The following ST3GAL3 variants were observed in gnomAD, a reference collection of about 807,000 sequenced individuals.
ST3GAL3 encodes ST3 beta-galactoside alpha-2,3-sialyltransferase 3.
Under a neutral mutation model 50.1 loss-of-function variants are expected in ST3GAL3, and 21 were observed. That is an observed-to-expected ratio of 0.42 (90% CI 0.30 to 0.60). ST3GAL3 has a LOEUF of 0.60. Among genes scored for constraint, ST3GAL3 ranks in the 20% least tolerant of loss-of-function variants. The probability of loss-of-function intolerance (pLI) is 0.19; values close to 1 mark genes in which losing one functional copy is unlikely to be tolerated. For missense variants in ST3GAL3, 353 were observed against 489.4 expected (o/e 0.72, Z 2.63); for synonymous variants, 183 against 190.0 (o/e 0.96, Z 0.30).
rs758173545 is a variant in ST3GAL3, at chr1:43,930,028, G to T, written c.1039-104G>T. On this transcript the variant is annotated intron_variant, in intron 11 of 11. Coordinates refer to ENST00000347631, the MANE Select transcript of ST3GAL3 (RefSeq NM_006279.5). ...CAGTATCTGCCTTCAGGTTTCCACA[G>T]TCACGGAGTATTGGAGAGTGGTGAC... The T allele has an allele frequency of 5.3e-6, 5 of 939,466 alleles. No individual in the cohort carries two copies. In the Admixed American group the frequency reaches 8.5e-5, roughly 16 times the overall value. 58.2% of individuals were successfully genotyped at this position (939,466 alleles called of 1,614,324 possible).
At chr1:43,758,313 C>T (rs1007217996) in intron 2 of ST3GAL3, among the ~76,000 whole-genome samples, 4 of 152,076 alleles carry the variant, frequency 2.6e-5, no homozygotes, top group Admixed American at 2.0e-4. Flanking sequence ...TGCAGTGGTG[C>T]AATTATAGTT....
chr1:43,891,817 T>A (rs2076716282), intron 5 of ST3GAL3, among the ~76,000 whole-genome samples: 1 of 152,194 alleles, frequency 6.6e-6, no homozygotes, highest in Non-Finnish European at 1.5e-5. Flanking sequence ...AGAGAAAGTT[T>A]ATAGAAGTAC....
chr1:43,723,255 C>T (rs567328758), intron 1 of ST3GAL3, among the ~76,000 whole-genome samples: 2 of 152,082 alleles, frequency 1.3e-5, no homozygotes, highest in South Asian at 2.1e-4. Context: ...ATTACAGGCA[C>T]GCACCACCAC....
intron 9 of ST3GAL3, among the ~76,000 whole-genome samples, chr1:43,918,143 G>C (rs1422596719): frequency 1.1e-5 from 1 of 88,428 alleles, no homozygotes. Context: ...TTAAGAGAGG[G>C]TCTCACTCTG....
At chr1:43,917,625 T>TATA (rs1553136617) in intron 9 of ST3GAL3, among the ~76,000 whole-genome samples, 5 of 68,150 alleles carry the variant, frequency 7.3e-5, no homozygotes, top group East Asian at 7.3e-4. Context: ...TATTATATTA[T>TATA]ATATAATATA....
intron 5 of ST3GAL3, chr1:43,840,453 C>T (rs2065190397): frequency 6.6e-6 from 1 of 152,144 alleles, no homozygotes; most frequent in Non-Finnish European, 1.5e-5. Context: ...TCTCAATAGT[C>T]CCTGCGAAAT....
intron 2 of ST3GAL3, among the ~76,000 whole-genome samples, chr1:43,748,151 A>C (rs75426648): frequency 6.6e-6 from 1 of 152,162 alleles, no homozygotes; most frequent in Admixed American, 6.5e-5. Context: ...ACTATATAAC[A>C]ATATCACACA....
At chr1:43,770,589 C>T (rs1431622322) in intron 2 of ST3GAL3, among the ~76,000 whole-genome samples, 1 of 151,886 alleles carries the variant, frequency 6.6e-6, no homozygotes, top group Non-Finnish European at 1.5e-5. Context: ...GAGATGGAGT[C>T]TCAGTATATT....
intron 5 of ST3GAL3, among the ~76,000 whole-genome samples, chr1:43,864,479 G>A (rs1481793718): frequency 2.0e-5 from 3 of 152,192 alleles, no homozygotes; most frequent in Non-Finnish European, 4.4e-5. Flanking sequence ...GGGAAGGGCA[G>A]GAATCACATG....
chr1:43,817,306 C>G (rs1343805651), intron 4 of ST3GAL3, among the ~76,000 whole-genome samples: 1 of 152,082 alleles, frequency 6.6e-6, no homozygotes, highest in Non-Finnish European at 1.5e-5. Context: ...GATTGGGATT[C>G]ATTTAGCTTG....
At chr1:43,775,526 C>T (rs1452718630) in intron 2 of ST3GAL3, among the ~76,000 whole-genome samples, 2 of 152,208 alleles carry the variant, frequency 1.3e-5, no homozygotes, top group African/African-American at 2.4e-5. Flanking sequence ...AGCCACCGCA[C>T]TCAGCCGGAA....
intron 5 of ST3GAL3, 92 bp from the exon 6 acceptor site, chr1:43,894,291 C>A: frequency 1.6e-6 from 2 of 1,260,272 alleles, no homozygotes; most frequent in Non-Finnish European, 2.3e-6. Context: ...GGGCTTCCAG[C>A]AGATCCTTTG....
chr1:43,723,294 A>T (rs980418714), intron 1 of ST3GAL3, among the ~76,000 whole-genome samples: 1 of 151,218 alleles, frequency 6.6e-6, no homozygotes, highest in African/African-American at 2.5e-5. Context: ...TTTTTAGTAG[A>T]GACGGGATTT....
intron 2 of ST3GAL3, among the ~76,000 whole-genome samples, chr1:43,748,527 T>A (rs1684803812): frequency 6.6e-6 from 1 of 150,768 alleles, no homozygotes; most frequent in Non-Finnish European, 1.5e-5. Flanking sequence ...CTCCCCAGCT[T>A]AAGCAATCCT....
chr1:43,806,139 T>C (rs1189727470), intron 3 of ST3GAL3, among the ~76,000 whole-genome samples: 1 of 152,030 alleles, frequency 6.6e-6, no homozygotes, highest in African/African-American at 2.4e-5. Flanking sequence ...GAGGCCAAAA[T>C]CACCAGAGCA....
intron 4 of ST3GAL3, among the ~76,000 whole-genome samples, chr1:43,822,991 T>C (rs1185789946): frequency 2.0e-5 from 3 of 152,220 alleles, no homozygotes; most frequent in Non-Finnish European, 4.4e-5. Context: ...TACTGTAGCA[T>C]CATTTCTTTG....
intron 2 of ST3GAL3, among the ~76,000 whole-genome samples, chr1:43,776,266 G>T (rs1010011360): frequency 6.6e-6 from 1 of 152,068 alleles, no homozygotes; most frequent in Non-Finnish European, 1.5e-5. Context: ...TTCTGTCACC[G>T]TAGATTTGCA....
At chr1:43,801,182 C>G (rs1027129499) in intron 3 of ST3GAL3, 1 of 415,230 alleles carries the variant, frequency 2.4e-6, no homozygotes, top group Non-Finnish European at 4.9e-6. Flanking sequence ...AAATACCAAA[C>G]TTTATATACC....
chr1:43,791,955 T>G (rs1572939167), intron 2 of ST3GAL3, 147 bp from the exon 3 acceptor site: 12 of 880,124 alleles, frequency 1.4e-5, no homozygotes. Flanking sequence ...AGTGGATGGG[T>G]GGGCATGGGC....
Sources: allele counts gnomAD v4.1 joint callset (sites outside exome capture counted in the v4.1 genomes callset), GRCh38; gene constraint gnomAD v4.1.1; transcripts MANE v1.5; gene names NCBI Gene and HGNC (gene_info 2026-07-23, HGNC 2026-07-21).